The following NRIP1 variants were observed in gnomAD, a reference collection of about 807,000 sequenced individuals.
NRIP1 encodes nuclear receptor-interacting protein 1.
Under a neutral mutation model 75.0 loss-of-function variants are expected in NRIP1, and 28 were observed. The ratio of observed to expected loss-of-function variants is 0.37; its 90% CI spans 0.28 to 0.51. The LOEUF (loss-of-function observed/expected upper bound fraction) is 0.51. NRIP1 is among the 20% of genes least tolerant of loss of function. The pLI is 0.92. For missense variants in NRIP1, 1,435 were observed against 1,343.7 expected (o/e 1.07, Z -1.06); for synonymous variants, 526 against 487.6 (o/e 1.08, Z -1.04).
At position 14,988,525 on chromosome 21, in the gene NRIP1, A is replaced by G. The variant is rs1186389660; in HGVS notation, c.-334-19999T>C. Among the ~76,000 whole-genome samples the G allele has an allele frequency of 4.4e-3, 593 of 133,352 alleles. 2 individuals are homozygous for G. The highest frequency in any genetic ancestry group is 8.1e-3 in the Non-Finnish European group (474 of 58,232). 87.5% of individuals were successfully genotyped at this position (133,352 alleles called of 152,430 possible). ...TGTGTGTGTGTGTGTGTGTATATATATATATATATCCTGAAAAACTAAAGA... is the reference window on the plus strand; with the variant it reads ...TGTGTGTGTGTGTGTGTGTATATATGTATATATATCCTGAAAAACTAAAGA... On this transcript the variant is annotated intron_variant, in intron 3 of 3. Coordinates refer to ENST00000318948, the MANE Select transcript of NRIP1 (RefSeq NM_003489.4).
At chr21:15,034,687 G>A (rs1183785693) in intron 2 of NRIP1, among the ~76,000 whole-genome samples, 3 of 152,004 alleles carry the variant, frequency 2.0e-5, no homozygotes, top group African/African-American at 4.8e-5. Flanking sequence ...TGGAGGAAGT[G>A]GAAAGAACTA....
chr21:15,044,631 T>C (rs549870110), intron 1 of NRIP1, among the ~76,000 whole-genome samples: 247 of 152,268 alleles, frequency 1.6e-3, no homozygotes, highest in African/African-American at 5.6e-3. Flanking sequence ...TCTCACAGAT[T>C]ATAGCTTTGA....
intron 3 of NRIP1, among the ~76,000 whole-genome samples, chr21:14,988,462 CAGAT>C (rs138654763): frequency 1.1e-3 from 162 of 144,554 alleles, no homozygotes; most frequent in African/African-American, 3.3e-3. Context: ...GATAGACAGA[CAGAT>C]AGATAGATAA....
At chr21:14,984,200 A>G (rs940361999) in intron 3 of NRIP1, among the ~76,000 whole-genome samples, 1 of 152,196 alleles carries the variant, frequency 6.6e-6, no homozygotes, top group Non-Finnish European at 1.5e-5. Context: ...GAGGTCAAAT[A>G]TCAACATTTG....
At chr21:14,989,812 C>T (rs1477080331) in intron 3 of NRIP1, among the ~76,000 whole-genome samples, 1 of 151,776 alleles carries the variant, frequency 6.6e-6, no homozygotes, top group East Asian at 1.9e-4. Context: ...AGGAGGGGAG[C>T]CTGAAATTTT....
At position 14,964,432 on chromosome 21, in the gene NRIP1, TAATA is replaced by T. The variant is rs1258522553; in HGVS notation, c.*280_*283del. The stretch of plus-strand genomic sequence containing the variant: ...GGAGTTTTACATTTTAATTTATGCC[TAATA>T]TTTATAAAAGAATTTCATTCATAGG... On this transcript the variant is annotated 3_prime_UTR_variant, in exon 4 of 4. Coordinates refer to ENST00000318948, the MANE Select transcript of NRIP1 (RefSeq NM_003489.4). 1 of 253,186 alleles carries T rather than the reference TAATA, an allele frequency of 3.9e-6. No homozygotes were observed. The highest frequency in any genetic ancestry group is 7.5e-6 in the Non-Finnish European group (1 of 134,048). 15.7% of individuals were successfully genotyped at this position (253,186 alleles called of 1,614,324 possible).
chr21:14,998,346 T>A (rs1364042272), intron 3 of NRIP1, among the ~76,000 whole-genome samples: 1 of 152,196 alleles, frequency 6.6e-6, no homozygotes, highest in Admixed American at 6.5e-5. Context: ...CCATGAACAA[T>A]CTGAATTAGA....
intron 3 of NRIP1, among the ~76,000 whole-genome samples, chr21:14,993,805 T>A (rs2087639768): frequency 6.6e-6 from 1 of 151,962 alleles, no homozygotes; most frequent in East Asian, 1.9e-4. Context: ...TGACAGTGTA[T>A]ATACAACGTC....
At chr21:14,973,651 C>T (rs562568477) in intron 3 of NRIP1, among the ~76,000 whole-genome samples, 40 of 150,538 alleles carry the variant, frequency 2.7e-4, no homozygotes, top group Admixed American at 1.8e-3. Context: ...TCAGTATTAT[C>T]GTCTTAAGTG....
chr21:15,042,183 G>T (rs550959458), intron 2 of NRIP1, among the ~76,000 whole-genome samples: 6 of 152,254 alleles, frequency 3.9e-5, no homozygotes, highest in African/African-American at 1.4e-4. Flanking sequence ...TGAATATTCA[G>T]CTAATAAAGT....
intron 3 of NRIP1, among the ~76,000 whole-genome samples, chr21:14,999,128 C>A (rs1026886601): frequency 1.3e-5 from 2 of 152,038 alleles, no homozygotes; most frequent in Admixed American, 1.3e-4. Flanking sequence ...CCTCAACCTC[C>A]CAAGTAGCTA....
chr21:15,041,285 A>C (rs1180352651), intron 2 of NRIP1, among the ~76,000 whole-genome samples: 1 of 152,144 alleles, frequency 6.6e-6, no homozygotes, highest in Non-Finnish European at 1.5e-5. Context: ...AAACAGGCAA[A>C]ACTAATCTAT....
chr21:15,030,950 AT>A (rs1365597486), intron 2 of NRIP1, among the ~76,000 whole-genome samples: 79 of 90,450 alleles, frequency 8.7e-4, no homozygotes, highest in African/African-American at 2.8e-3. Flanking sequence ...CACTCAGAGG[AT>A]CACCACATTC....
rs1363764720 is a variant in NRIP1 at position 14,962,054 on chromosome 21, T to G, written c.*2662A>C. On this transcript the variant is annotated 3_prime_UTR_variant, in exon 4 of 4. Coordinates refer to ENST00000318948, the MANE Select transcript of NRIP1 (RefSeq NM_003489.4). ...ATATATATATATATAAAATATATAC[T>G]CTCACCAGTTTACTCTTCTGTAAGA... is the stretch of plus-strand genomic sequence containing the variant. 2 of 146,848 alleles carry G rather than the reference T, an allele frequency of 1.4e-5. No homozygotes were observed. The highest frequency in any genetic ancestry group is 2.5e-5 in the African/African-American group (1 of 40,452). 9.1% of individuals were successfully genotyped at this position (146,848 alleles called of 1,614,324 possible).
intron 2 of NRIP1, among the ~76,000 whole-genome samples, chr21:15,021,068 TAAGAG>T (rs568697423): frequency 2.0e-5 from 3 of 152,096 alleles, no homozygotes; most frequent in Non-Finnish European, 4.4e-5. Context: ...CTGGAGTACC[TAAGAG>T]AAATGAAAAA....
chr21:14,965,125 G>C lies in NRIP1; in HGVS notation c.3068C>G (p.Ser1023Cys). The C allele has an allele frequency of 6.2e-7, 1 of 1,612,994 alleles. No homozygotes were observed. The highest frequency in any genetic ancestry group is 8.5e-7 in the Non-Finnish European group (1 of 1,179,906). The change falls in exon 4 of 4, where the codon TCT (serine) becomes TGT (cysteine). Residue 1023 changes from serine to cysteine, a missense_variant. Transcript: ENST00000318948. ...ATTCAAAAGCCCAGATTCTGGTCTA[G>C]ACCCTGCACAGCCCAAGTGCTCAGG... ...TFPEHLGCAG[S>C]RPESGLLNGC...
chr21:14,991,376 A>T (rs548995911), intron 3 of NRIP1: 2 of 151,134 alleles, frequency 1.3e-5, no homozygotes, highest in South Asian at 2.1e-4. Context: ...CTATTCATTT[A>T]AAAAAAGAAA....
chr21:15,021,482 G>T (rs2088372672), intron 2 of NRIP1, among the ~76,000 whole-genome samples: 1 of 152,172 alleles, frequency 6.6e-6, no homozygotes, highest in Non-Finnish European at 1.5e-5. Context: ...GGACTGTGGT[G>T]ATGGCTGCAA....
chr21:15,034,251 T>A (rs932778226), intron 2 of NRIP1, among the ~76,000 whole-genome samples: 1 of 152,230 alleles, frequency 6.6e-6, no homozygotes, highest in Non-Finnish European at 1.5e-5. Context: ...ACTGAGCCTT[T>A]TATTTTCTTG....
Sources: gnomAD v4.1 joint callset for allele counts (sites outside exome capture counted in the v4.1 genomes callset) on GRCh38, gnomAD v4.1.1 for gene constraint, MANE v1.5 for transcripts, NCBI Gene and HGNC (gene_info 2026-07-23, HGNC 2026-07-21) for gene names.